Variants in RIPOR3 observed in about 807,000 individuals in gnomAD.
The protein encoded by RIPOR3 is family with sequence similarity 65 member C.
In RIPOR3, 95 loss-of-function variants were observed where a neutral mutation model predicts 114.3. The observed-to-expected ratio is 0.83, with a 90% CI of 0.70 to 0.99. The LOEUF (loss-of-function observed/expected upper bound fraction) is 0.99. RIPOR3 is among the 50% of genes least tolerant of loss of function. The pLI is 0.00. For missense variants in RIPOR3, 1,252 were observed against 1,266.9 expected (o/e 0.99, Z 0.18); for synonymous variants, 575 against 543.8 (o/e 1.06, Z -0.80).
intron 1 of RIPOR3, among the ~76,000 whole-genome samples, chr20:50,631,790 C>G (rs937074874): frequency 3.9e-5 from 6 of 152,260 alleles, no homozygotes; most frequent in Non-Finnish European, 8.8e-5. Context: ...GAAAATGCCA[C>G]CCTATCCCTT....
At chr20:50,638,603 G>C (rs1323190513) in intron 1 of RIPOR3, among the ~76,000 whole-genome samples, 2 of 151,770 alleles carry the variant, frequency 1.3e-5, no homozygotes, top group African/African-American at 4.8e-5. Flanking sequence ...AGGCCACTGT[G>C]GGGTGGCTGT....
intron 1 of RIPOR3, among the ~76,000 whole-genome samples, chr20:50,677,624 G>A (rs528916325): frequency 2.0e-5 from 3 of 150,786 alleles, no homozygotes; most frequent in South Asian, 2.1e-4. Flanking sequence ...CACCTGCCTC[G>A]GCCTCCCAAA....
intron 1 of RIPOR3, among the ~76,000 whole-genome samples, chr20:50,643,048 CA>C (rs964311954): frequency 6.9e-4 from 98 of 142,408 alleles, no homozygotes; most frequent in Non-Finnish European, 1.1e-3. Flanking sequence ...AACTCCATCT[CA>C]AAAAAAAAAC....
At chr20:50,651,726 C>T (rs1041662307) in intron 1 of RIPOR3, among the ~76,000 whole-genome samples, 21 of 152,140 alleles carry the variant, frequency 1.4e-4, no homozygotes, top group African/African-American at 4.3e-4. Context: ...GGGTATGCAT[C>T]GTAAGGACAC....
At chr20:50,640,908 C>CTTTT (rs1331789312) in intron 1 of RIPOR3, among the ~76,000 whole-genome samples, 1 of 134,500 alleles carries the variant, frequency 7.4e-6, no homozygotes, top group African/African-American at 2.7e-5. Context: ...ATATGCACTT[C>CTTTT]TTTTTTTTTT....
rs1289106432 is a variant in RIPOR3, at chr20:50,587,342, C to T, written c.2753-10G>A. On this transcript the variant is annotated splice_polypyrimidine_tract_variant and intron_variant, in intron 21 of 21. Coordinates refer to ENST00000327979, the MANE Select transcript of RIPOR3 (RefSeq NM_001290268.2). The stretch of plus-strand genomic sequence containing the variant: ...AACCGTCCTTTTTCACCTGAAATAG[C>T]AAAGGGACCTGTCAGCGGGTTGGAT... The T allele has an allele frequency of 6.2e-7, 1 of 1,611,964 alleles. No homozygotes were observed. The highest frequency in any genetic ancestry group is 8.5e-7 in the Non-Finnish European group (1 of 1,178,538).
At chr20:50,641,483 A>C in intron 1 of RIPOR3, among the ~76,000 whole-genome samples, 1 of 152,170 alleles carries the variant, frequency 6.6e-6, no homozygotes, top group East Asian at 1.9e-4. Flanking sequence ...CCTGGACTGA[A>C]GCAGTCCTCC....
At chr20:50,630,880 C>A in intron 1 of RIPOR3, 24 bp from the exon 2 acceptor site, 1 of 1,562,288 alleles carries the variant, frequency 6.4e-7, no homozygotes, top group South Asian at 1.2e-5. Flanking sequence ...ACAGGAGAGT[C>A]AGCCTGGCAT....
intron 1 of RIPOR3, among the ~76,000 whole-genome samples, chr20:50,659,582 G>T (rs1055102046): frequency 6.8e-6 from 1 of 147,574 alleles, no homozygotes; most frequent in African/African-American, 2.5e-5. Context: ...TGGAAGCAGA[G>T]GTTGCAGTGA....
chr20:50,589,865 G>T, intron 19 of RIPOR3, 96 bp from the exon 20 acceptor site: 1 of 1,032,352 alleles, frequency 9.7e-7, no homozygotes, highest in South Asian at 1.4e-5. Context: ...AGTAAGGCAC[G>T]CTGTGCCCAT....
chr20:50,612,976 C>T (rs2084026582), intron 4 of RIPOR3, among the ~76,000 whole-genome samples: 1 of 152,074 alleles, frequency 6.6e-6, no homozygotes, highest in Non-Finnish European at 1.5e-5. Context: ...ACCTGTAGTC[C>T]CAGCTACTTG....
chr20:50,648,051 G>A (rs1301062550), intron 1 of RIPOR3, among the ~76,000 whole-genome samples: 1 of 151,930 alleles, frequency 6.6e-6, no homozygotes, highest in Admixed American at 6.6e-5. Context: ...CAAGACGGGT[G>A]GATCACCTGA....
chr20:50,666,224 T>TTTCTTTTCTTTTC (rs937470489), intron 1 of RIPOR3, among the ~76,000 whole-genome samples: 67 of 101,858 alleles, frequency 6.6e-4, no homozygotes, highest in Non-Finnish European at 9.3e-4. Context: ...TTTCTTTTCT[T>TTTCTTTTCTTTTC]TTTTGAGACG....
chr20:50,596,461 C>A (rs2083294586), intron 14 of RIPOR3, among the ~76,000 whole-genome samples, 198 bp from the exon 15 acceptor site: 1 of 152,160 alleles, frequency 6.6e-6, no homozygotes, highest in African/African-American at 2.4e-5. Flanking sequence ...GGCCAAGGGC[C>A]TGGGGAAGGC....
At chr20:50,596,454 CAAGGGCCTGGGG>C (rs1375579592) in intron 14 of RIPOR3, among the ~76,000 whole-genome samples, 191 bp from the exon 15 acceptor site, 1 of 152,158 alleles carries the variant, frequency 6.6e-6, no homozygotes, top group African/African-American at 2.4e-5. Flanking sequence ...GAGGTGTGGC[CAAGGGCCTGGGG>C]AAGGCAGGGC....
chr20:50,669,390 G>A (rs1012468151), intron 1 of RIPOR3, among the ~76,000 whole-genome samples: 1 of 152,188 alleles, frequency 6.6e-6, no homozygotes, highest in Non-Finnish European at 1.5e-5. Flanking sequence ...TTAATAGCTC[G>A]AAAAATATTA....
intron 1 of RIPOR3, chr20:50,659,982 C>T (rs1054671798): frequency 5.3e-5 from 8 of 152,282 alleles, no homozygotes; most frequent in Admixed American, 3.3e-4. Flanking sequence ...AGATACATGC[C>T]CCAAAAGGAT....
intron 13 of RIPOR3, among the ~76,000 whole-genome samples, chr20:50,599,172 A>G (rs1034987452): frequency 1.3e-5 from 2 of 152,092 alleles, no homozygotes; most frequent in African/African-American, 4.8e-5. Flanking sequence ...CAGGTGGATC[A>G]CCTGATGTCC....
chr20:50,639,011 G>A lies in RIPOR3; in HGVS notation c.4-8155C>T, dbSNP rs191991526. ...AATCCCAGCACTTTGGGAGGCCAAG[G>A]TGGGTGGATAACTTGAGGTCAGGAG... On this transcript the variant is annotated intron_variant, in intron 1 of 21. Coordinates refer to ENST00000327979, the MANE Select transcript of RIPOR3 (RefSeq NM_001290268.2). Among the ~76,000 whole-genome samples, 17 of 152,308 alleles carry A rather than the reference G, an allele frequency of 1.1e-4. No homozygotes were observed. In the East Asian group the frequency reaches 2.3e-3, roughly 21 times the overall value.
Sources: allele counts gnomAD v4.1 joint callset (sites outside exome capture counted in the v4.1 genomes callset), GRCh38; gene constraint gnomAD v4.1.1; transcripts MANE v1.5; gene names NCBI Gene and HGNC (gene_info 2026-07-23, HGNC 2026-07-21).